Variants in MMP12 observed in about 807,000 individuals in gnomAD.
MMP12 encodes the protein macrophage metalloelastase.
MMP12 carries 51 observed loss-of-function variants against 45.2 expected under a neutral mutation model. The ratio of observed to expected loss-of-function variants is 1.13; its 90% CI spans 0.90 to 1.42. The LOEUF is 1.42. MMP12 is among the 40% of genes most tolerant of loss of function. The probability of loss-of-function intolerance (pLI) is 0.00; values close to 1 mark genes in which losing one functional copy is unlikely to be tolerated. For synonymous variants in MMP12, 210 were observed against 193.3 expected (o/e 1.09, Z -0.72); for missense variants, 530 against 570.8 (o/e 0.93, Z 0.73).
chr11:102,868,842 A>C (rs1437703330), intron 4 of MMP12, among the ~76,000 whole-genome samples: 1 of 152,204 alleles, frequency 6.6e-6, no homozygotes, highest in Admixed American at 6.5e-5. Flanking sequence ...AAAAATAAAT[A>C]ATTCTTAAAA....
At chr11:102,873,406 C>T (rs1338743667) in intron 1 of MMP12, among the ~76,000 whole-genome samples, 2 of 152,020 alleles carry the variant, frequency 1.3e-5, no homozygotes, top group East Asian at 3.9e-4. Context: ...TCAAGACTAG[C>T]CTGGACAACA....
In MMP12 at chr11:102,868,070, C is replaced by T. The variant is rs781944570; in HGVS notation, c.626-1G>A. The T allele has an allele frequency of 1.3e-6, 2 of 1,590,678 alleles. No homozygotes were observed. The highest frequency in any genetic ancestry group is 2.3e-5 in the South Asian group (2 of 87,050). ...ACAGCAGTGAGGAACAAGTTTGTGC[C>T]TAAGAAGAAACCAACCAAAAGACAG... On this transcript the variant is annotated splice_acceptor_variant, in intron 4 of 9. Coordinates refer to ENST00000571244, the MANE Select transcript of MMP12 (RefSeq NM_002426.6). LOFTEE classifies it high-confidence loss of function.
chr11:102,863,225 G>A, intron 9 of MMP12, 25 bp from the exon 10 acceptor site: 2 of 1,222,008 alleles, frequency 1.6e-6, no homozygotes, highest in Non-Finnish European at 2.4e-6. Context: ...AAATTAAATA[G>A]TTTAATTCCC....
chr11:102,864,266 T>A lies in MMP12; in HGVS notation c.1206-14A>T, dbSNP rs1328182834. 17 of 1,573,648 alleles carry A rather than the reference T, an allele frequency of 1.1e-5. 1 individual carries two copies. The highest frequency in any genetic ancestry group is 4.4e-5 in the South Asian group (4 of 89,908). On this transcript the variant is annotated splice_polypyrimidine_tract_variant and intron_variant, in intron 8 of 9. Coordinates refer to ENST00000571244, the MANE Select transcript of MMP12 (RefSeq NM_002426.6). ...CTTTCATCATACCTGAGCAAAGAAG[T>A]AACCAGCAGGAACTCAATCAGAAAG...
intron 2 of MMP12, 48 bp downstream of exon 2, chr11:102,872,817 G>T: frequency 6.3e-7 from 1 of 1,598,926 alleles, no homozygotes; most frequent in South Asian, 1.1e-5. Context: ...TTAGAAGTCA[G>T]ACCTATGGGA....
intron 2 of MMP12, among the ~76,000 whole-genome samples, chr11:102,872,590 C>T (rs1262563958): frequency 1.3e-5 from 2 of 152,184 alleles, no homozygotes; most frequent in African/African-American, 4.8e-5. Context: ...ATCCACCCAC[C>T]TTGGCCTCCC....
rs782570567 is a variant in MMP12, at chr11:102,866,371, G to T, written c.989C>A (p.Ser330Tyr). 1 of 1,604,388 alleles carries T rather than the reference G, an allele frequency of 6.2e-7. No individual in the cohort carries two copies. Among genetic ancestry groups the T allele is most frequent in the Non-Finnish European group, 8.5e-7 (1 of 1,175,234 alleles). ...AATTTCATAAGCAGCTTCAATGCCA[G>T]ATGGCAAGGTTGGCCATAAGGAAGA... ...LISSLWPTLP[S>Y]GIEAAYEIEA... The change falls in exon 7 of 10, where the codon TCT (serine) becomes TAT (tyrosine). Residue 330 changes from serine (S) to tyrosine (Y), a missense_variant. Transcript: ENST00000571244.
chr11:102,863,893 A>C (rs1204844589), intron 9 of MMP12, among the ~76,000 whole-genome samples: 1 of 152,192 alleles, frequency 6.6e-6, no homozygotes, highest in African/African-American at 2.4e-5. Flanking sequence ...ACTCAGGTAC[A>C]TGAGAAATAG....
intron 1 of MMP12, among the ~76,000 whole-genome samples, chr11:102,874,028 C>CAAAA (rs35364937): frequency 3.0e-4 from 29 of 97,482 alleles, no homozygotes; most frequent in African/African-American, 6.7e-4. Context: ...AACCCTGTCT[C>CAAAA]AAAAAAAAAA....
intron 2 of MMP12, 22 bp downstream of exon 2, chr11:102,872,843 G>T: frequency 1.2e-6 from 2 of 1,611,292 alleles, no homozygotes; most frequent in South Asian, 2.2e-5. Flanking sequence ...GAAAAATACA[G>T]GGCGACATAC....
chr11:102,874,119 C>T (rs1261937424), intron 1 of MMP12, among the ~76,000 whole-genome samples: 1 of 151,344 alleles, frequency 6.6e-6, no homozygotes, highest in African/African-American at 2.4e-5. Context: ...AAATTTCTTG[C>T]TTAAAAACTC....
rs1453202166 is a variant in MMP12, at chr11:102,866,432, C to G, written c.928G>C (p.Val310Leu). The change falls in exon 7 of 10, where the codon GTT (valine) becomes CTT (leucine). Residue 310 changes from valine to leucine, a missense_variant. Val to Leu is a conservative substitution (Grantham distance 32, BLOSUM62 1). Transcript: ENST00000571244. ...FFKDRFFWLK[V>L]SERPKTSVNL... is the part of the protein sequence containing the mutation. ...ACACTGGTCTTTGGTCTCTCAGAAA[C>G]CTTCAGCCAGAAGAACCTGACATGA... is the stretch of plus-strand genomic sequence containing the variant. 6.2e-7 allele frequency: 1 copy of G among 1,610,590 alleles called. No individual in the cohort carries two copies. The highest frequency in any genetic ancestry group is 1.3e-5 in the African/African-American group (1 of 74,848).
At chr11:102,866,673 G>A (rs1405809027) in intron 6 of MMP12, among the ~76,000 whole-genome samples, 2 of 152,112 alleles carry the variant, frequency 1.3e-5, no homozygotes, top group African/African-American at 4.8e-5. Context: ...GAAATACCCT[G>A]GAGCTTGGAA....
In MMP12 at chr11:102,872,859, C is replaced by G. The variant is rs147932918; in HGVS notation, c.350+6G>C. The G allele has an allele frequency of 5.0e-5, 80 of 1,613,410 alleles. No homozygotes were observed. The African/African-American group carries it at 9.6e-4, about 19-fold the overall frequency. On this transcript the variant is annotated splice_donor_region_variant and intron_variant, in intron 2 of 9. Transcript: ENST00000571244. ...AAAAATACAGGGCGACATACACCAA[C>G]GTTACCTGTAGGTGATATAATGTTT... is the stretch of plus-strand genomic sequence containing the variant.
chr11:102,864,144 A>T lies in MMP12; in HGVS notation c.1312+2T>A, dbSNP rs782154402. ...ATCTTCATGGTTTCCTCATCTACTT[A>T]CTGTTTTTAGAGTAGAAGACTGCAT... On this transcript the variant is annotated splice_donor_variant, in intron 9 of 9. Coordinates refer to ENST00000571244, the MANE Select transcript of MMP12 (RefSeq NM_002426.6). LOFTEE classifies it high-confidence loss of function. 2.5e-6 allele frequency: 4 copies of T among 1,576,932 alleles called. No individual in the cohort carries two copies. In the Admixed American group the frequency reaches 6.7e-5, roughly 26 times the overall value.
At chr11:102,867,245 T>C in intron 6 of MMP12, 25 bp downstream of exon 6, 13 of 1,539,194 alleles carry the variant, frequency 8.4e-6, no homozygotes, top group Non-Finnish European at 1.0e-5. Context: ...ACTTTAATAT[T>C]GGTTAGATAT....
chr11:102,864,154 G>C lies in MMP12; in HGVS notation c.1304C>G (p.Ser435Cys). The change falls in exon 9 of 10, where the codon TCT becomes TGT. Residue 435 changes from serine to cysteine, a missense_variant. Transcript: ENST00000571244. ...IGPKIDAVFY[S>C]KNKYYYFFQG... ...TTTCCTCATCTACTTACTGTTTTTA[G>C]AGTAGAAGACTGCATCAATTTTAGG... 1 of 1,601,752 alleles carries C rather than the reference G, an allele frequency of 6.2e-7. No individual in the cohort carries two copies. Among genetic ancestry groups the C allele is most frequent in the Non-Finnish European group, 8.6e-7 (1 of 1,168,964 alleles).
Position 102,871,888 on chromosome 11 carries a change from G to A in MMP12, c.415C>T (p.Gln139Ter). 1 of 1,613,726 alleles carries A rather than the reference G, an allele frequency of 6.2e-7. No individual in the cohort carries two copies. The highest frequency in any genetic ancestry group is 8.5e-7 in the Non-Finnish European group (1 of 1,179,766). Residue 139 changes from glutamine to a stop codon, truncating the protein, a stop_gained, in exon 3 of 10, where the codon CAA (glutamine) becomes TAA (stop). Transcript: ENST00000571244. LOFTEE classifies it high-confidence loss of function. ...DVDYAIRKAFQVWSNVTPLKF... is the reference protein window; with the variant it reads ...DVDYAIRKAF ...AAGGGGGTAACATTACTCCATACTT[G>A]GAAAGCTTTCCGGATTGCGTAGTCA...
At chr11:102,864,076 T>C in intron 9 of MMP12, 70 bp downstream of exon 9, 8 of 1,217,532 alleles carry the variant, frequency 6.6e-6, no homozygotes, top group Middle Eastern at 1.9e-4. Flanking sequence ...AGCCCTATTC[T>C]CTAATCTTAG....
Sources: gnomAD v4.1 joint callset for allele counts (sites outside exome capture counted in the v4.1 genomes callset) on GRCh38, gnomAD v4.1.1 for gene constraint, MANE v1.5 for transcripts, NCBI Gene and HGNC (gene_info 2026-07-23, HGNC 2026-07-21) for gene names.